NUB1: variants seen among roughly 807,000 people sequenced by gnomAD.
The protein encoded by NUB1 is NEDD8 ultimate buster 1.
NUB1 carries 41 observed loss-of-function variants against 77.1 expected under a neutral mutation model. That is an observed-to-expected ratio of 0.53 (90% CI 0.41 to 0.69). NUB1 has a LOEUF of 0.69. Ranked by LOEUF, NUB1 falls within the 30% of genes least tolerant of loss-of-function variation. The pLI is 0.00. For missense variants in NUB1, 643 were observed against 743.8 expected (o/e 0.86, Z 1.58); for synonymous variants, 257 against 281.0 (o/e 0.91, Z 0.85).
At chr7:151,351,112 G>A (rs1438509595) in intron 3 of NUB1, 1 of 316,550 alleles carries the variant, frequency 3.2e-6, no homozygotes, top group African/African-American at 2.2e-5. Flanking sequence ...GAGGGAATGG[G>A]GTGCAGGCCA....
At chr7:151,348,128 G>A (rs917517080) in intron 2 of NUB1, among the ~76,000 whole-genome samples, 5 of 152,154 alleles carry the variant, frequency 3.3e-5, no homozygotes, top group African/African-American at 9.7e-5. Context: ...GAATTTTGGC[G>A]ATTTCAGATT....
At chr7:151,371,449 T>G (rs987212577) in intron 11 of NUB1, among the ~76,000 whole-genome samples, 3 of 142,850 alleles carry the variant, frequency 2.1e-5, no homozygotes, top group African/African-American at 7.8e-5. Context: ...ATCCTGAGCT[T>G]CTTGTGATTG....
At position 151,377,553 on chromosome 7, in the gene NUB1, G is replaced by T; in HGVS notation, c.*328G>T. The stretch of plus-strand genomic sequence containing the variant: ...GGTCCTGGGGAAGGTGTCCAGGGCA[G>T]GGTCCTGGGAAGGGTGTCCCGACCG... On this transcript the variant is annotated 3_prime_UTR_variant, in exon 15 of 15. Coordinates refer to ENST00000568733, the MANE Select transcript of NUB1 (RefSeq NM_001243351.2). 5.7e-6 allele frequency: 1 copy of T among 175,382 alleles called. No individual in the cohort carries two copies. The highest frequency in any genetic ancestry group is 1.2e-5 in the Non-Finnish European group (1 of 83,430). 10.9% of individuals were successfully genotyped at this position (175,382 alleles called of 1,614,324 possible).
intron 11 of NUB1, among the ~76,000 whole-genome samples, chr7:151,372,992 G>A (rs966137282): frequency 2.6e-5 from 4 of 152,196 alleles, no homozygotes; most frequent in African/African-American, 9.7e-5. Context: ...CAGCCACTCT[G>A]TTCTGCCTGC....
At chr7:151,355,024 GT>G (rs1484552345) in intron 5 of NUB1, among the ~76,000 whole-genome samples, 12 of 152,096 alleles carry the variant, frequency 7.9e-5, no homozygotes, top group African/African-American at 2.4e-4. Context: ...GATTACAGGT[GT>G]GAACCACCAC....
chr7:151,354,935 G>A (rs771359012), intron 5 of NUB1, among the ~76,000 whole-genome samples: 42 of 152,140 alleles, frequency 2.8e-4, no homozygotes, highest in Non-Finnish European at 5.1e-4. Context: ...TGTGGAGACG[G>A]GGTCCACTGT....
chr7:151,365,419 G>GC (rs2150696933), intron 8 of NUB1, among the ~76,000 whole-genome samples: 1 of 151,246 alleles, frequency 6.6e-6, no homozygotes, highest in African/African-American at 2.4e-5. Context: ...GGCCATTTCT[G>GC]CCCACGCTCT....
intron 7 of NUB1, among the ~76,000 whole-genome samples, chr7:151,358,841 G>A (rs995591922): frequency 6.6e-6 from 1 of 151,638 alleles, no homozygotes; most frequent in Non-Finnish European, 1.5e-5. Flanking sequence ...GAGGTGGGTG[G>A]ATCACAAGAT....
chr7:151,359,647 C>T (rs1797273827), intron 7 of NUB1, among the ~76,000 whole-genome samples: 1 of 151,466 alleles, frequency 6.6e-6, no homozygotes, highest in Non-Finnish European at 1.5e-5. Flanking sequence ...CATGGTGGCT[C>T]ATGCCTGTAG....
At chr7:151,375,782 G>A in intron 12 of NUB1, 66 bp from the exon 13 acceptor site, 1 of 1,057,140 alleles carries the variant, frequency 9.5e-7, no homozygotes, top group Non-Finnish European at 1.5e-6. Flanking sequence ...ATGGCAGGGT[G>A]CAGCGCCTGT....
intron 2 of NUB1, among the ~76,000 whole-genome samples, chr7:151,346,237 G>A (rs987043035): frequency 2.6e-5 from 4 of 152,158 alleles, no homozygotes; most frequent in Non-Finnish European, 5.9e-5. Flanking sequence ...GTTCCAGGCA[G>A]GCCTCACTTT....
intron 9 of NUB1, among the ~76,000 whole-genome samples, 183 bp downstream of exon 9, chr7:151,367,308 T>C (rs754263396): frequency 2.6e-5 from 4 of 152,234 alleles, no homozygotes; most frequent in Non-Finnish European, 4.4e-5. Flanking sequence ...GCTGTCTCTC[T>C]TACTTAGCGT....
chr7:151,351,410 C>T lies in NUB1; in HGVS notation c.286-14C>T, dbSNP rs1409363603. 8.8e-6 allele frequency: 14 copies of T among 1,598,118 alleles called. No homozygotes were observed. The highest frequency in any genetic ancestry group is 1.2e-5 in the Non-Finnish European group (14 of 1,167,684). Reference sequence around the variant, plus strand: ...TAAATTCAAGTACGTTTTACTTTGTCTTATTTTTAACAGGATAGGAAAAAC... The same window carrying T: ...TAAATTCAAGTACGTTTTACTTTGTTTTATTTTTAACAGGATAGGAAAAAC... On this transcript the variant is annotated splice_polypyrimidine_tract_variant and intron_variant, in intron 3 of 14. Coordinates refer to ENST00000568733, the MANE Select transcript of NUB1 (RefSeq NM_001243351.2).
intron 11 of NUB1, 39 bp downstream of exon 11, chr7:151,368,926 A>C: frequency 6.4e-7 from 1 of 1,557,154 alleles, no homozygotes; most frequent in Non-Finnish European, 8.7e-7. Flanking sequence ...TTGGGTATGA[A>C]AGAACAAAAA....
chr7:151,362,189 G>C (rs538719638), intron 8 of NUB1, among the ~76,000 whole-genome samples: 11 of 152,090 alleles, frequency 7.2e-5, no homozygotes, highest in African/African-American at 2.7e-4. Flanking sequence ...CCGGTAAGTG[G>C]TAGGTATAAT....
In NUB1 at chr7:151,349,163, C is replaced by T. The variant is rs369312974; in HGVS notation, c.208C>T (p.Arg70Cys). 1.1e-5 allele frequency: 18 copies of T among 1,613,010 alleles called. No individual in the cohort carries two copies. Among genetic ancestry groups the T allele is most frequent in the Non-Finnish European group, 1.4e-5 (17 of 1,179,574 alleles). Residue 70 changes from arginine to cysteine, a missense_variant, in exon 3 of 15, where the codon CGT (arginine) becomes TGT (cysteine). By Grantham distance (180) the Arg-to-Cys change is radical (BLOSUM62 -3). Coordinates refer to ENST00000568733, the MANE Select transcript of NUB1 (RefSeq NM_001243351.2). The stretch of plus-strand genomic sequence containing the variant: ...AGAAATACGTTGCAAGGCAATTGAG[C>T]GTGGAACAGGAAATGACAATTATAG... ...IEEIRCKAIERGTGNDNYRTT... is the reference protein window; with the variant it reads ...IEEIRCKAIECGTGNDNYRTT...
chr7:151,360,554 G>T, intron 8 of NUB1: 1 of 256,780 alleles, frequency 3.9e-6, no homozygotes, highest in Non-Finnish European at 7.4e-6. Flanking sequence ...ATGGTTTTGG[G>T]GTAGTATTGA....
chr7:151,342,937 G>A (rs1431410784), intron 1 of NUB1, among the ~76,000 whole-genome samples: 1 of 152,138 alleles, frequency 6.6e-6, no homozygotes, highest in Non-Finnish European at 1.5e-5. Flanking sequence ...GGCCTCCCAA[G>A]TGCTGGGATT....
In NUB1 at chr7:151,355,817, G is replaced by A. The variant is rs771027468; in HGVS notation, c.465G>A (p.Val155=). The A allele has an allele frequency of 3.7e-6, 6 of 1,609,618 alleles. No homozygotes were observed. Among genetic ancestry groups the A allele is most frequent in the Non-Finnish European group, 5.1e-6 (6 of 1,177,714 alleles). ...QGVAHNVKAM[V]LELKQSEEDA... Reference sequence around the variant, plus strand: ...TGGCTCACAATGTGAAAGCGATGGTGCTTGAACTAAAACAATCTGAAGAGG... The same window carrying A: ...TGGCTCACAATGTGAAAGCGATGGTACTTGAACTAAAACAATCTGAAGAGG... Residue 155 remains valine (V), a synonymous_variant, in exon 6 of 15, where the codon GTG becomes GTA. Transcript: ENST00000568733.
Sources: gnomAD v4.1 joint callset for allele counts (sites outside exome capture counted in the v4.1 genomes callset) on GRCh38, gnomAD v4.1.1 for gene constraint, MANE v1.5 for transcripts, NCBI Gene and HGNC (gene_info 2026-07-23, HGNC 2026-07-21) for gene names.